Variants in MGST2 observed in about 807,000 individuals in gnomAD.
The protein encoded by MGST2 is glutathione peroxidase MGST2.
MGST2 carries 9 observed loss-of-function variants against 16.6 expected under a neutral mutation model. The ratio of observed to expected loss-of-function variants is 0.54; its 90% CI spans 0.33 to 0.95. The LOEUF is 0.95. Among genes scored for constraint, MGST2 ranks in the 40% least tolerant of loss-of-function variants. The probability of loss-of-function intolerance (pLI) is 0.03; values close to 1 mark genes in which losing one functional copy is unlikely to be tolerated. For synonymous variants in MGST2, 79 were observed against 68.0 expected (o/e 1.16, Z -0.79); for missense variants, 159 against 175.1 (o/e 0.91, Z 0.52).
chr4:139,698,519 G>C (rs535041202), intron 3 of MGST2: 2 of 1,140,026 alleles, frequency 1.8e-6, no homozygotes, highest in Non-Finnish European at 2.7e-6. Flanking sequence ...CTTTACCACC[G>C]GTCGATTTGC....
intron 5 of MGST2, among the ~76,000 whole-genome samples, chr4:139,713,776 C>T (rs1727831905): frequency 6.6e-6 from 1 of 152,054 alleles, no homozygotes; most frequent in South Asian, 2.1e-4. Context: ...TTAAGACAGT[C>T]CATGGAGAAG....
chr4:139,720,222 G>C (rs766114903), intron 5 of MGST2: 1 of 1,612,728 alleles, frequency 6.2e-7, no homozygotes, highest in South Asian at 1.1e-5. Context: ...TTCTGGGAGG[G>C]TCCTATTCCC....
intron 5 of MGST2, among the ~76,000 whole-genome samples, chr4:139,732,688 A>G (rs1728776524): frequency 6.6e-6 from 1 of 151,884 alleles, no homozygotes; most frequent in Non-Finnish European, 1.5e-5. Flanking sequence ...ATTTGGTTAC[A>G]TGAGTAAGCA....
chr4:139,701,940 T>C (rs1436110162), intron 3 of MGST2, among the ~76,000 whole-genome samples: 1 of 150,552 alleles, frequency 6.6e-6, no homozygotes, highest in East Asian at 2.0e-4. Flanking sequence ...CATTCCTGCC[T>C]GGGTGACAGA....
intron 5 of MGST2, among the ~76,000 whole-genome samples, chr4:139,710,556 C>T (rs948882556): frequency 3.9e-5 from 6 of 152,240 alleles, no homozygotes; most frequent in South Asian, 2.1e-4. Flanking sequence ...CCCTCCACCC[C>T]GGAATCAGTT....
chr4:139,751,405 TAATACAC>T, the MGST2 span, among the ~76,000 whole-genome samples: 2 of 152,204 alleles, frequency 1.3e-5, no homozygotes, highest in African/African-American at 4.8e-5. Flanking sequence ...GTATGTTTCA[TAATACAC>T]GTTATACACA....
the MGST2 span, among the ~76,000 whole-genome samples, chr4:139,753,570 T>C: frequency 8.5e-5 from 13 of 152,076 alleles, no homozygotes; most frequent in Non-Finnish European, 1.8e-4. Flanking sequence ...ACCATGAAAA[T>C]AAAATATAAT....
At chr4:139,690,553 A>G (rs1339525638) in intron 2 of MGST2, among the ~76,000 whole-genome samples, 3 of 152,204 alleles carry the variant, frequency 2.0e-5, no homozygotes, top group Non-Finnish European at 4.4e-5. Flanking sequence ...GGTTTAACAC[A>G]GTGGAAGTTC....
At position 139,735,928 on chromosome 4, in the gene MGST2, C is replaced by T. The variant is rs1728924255; in HGVS notation, c.*49-4284C>T. Among the ~76,000 whole-genome samples, 1 of 152,104 alleles carries T rather than the reference C, an allele frequency of 6.6e-6. No individual in the cohort carries two copies. The highest frequency in any genetic ancestry group is 1.5e-5 in the Non-Finnish European group (1 of 68,002). ...CGGCCCGCGCGCGCCGCTCGGGAGC[C>T]CGCGAGGCTGCGGTGTGCTCCAGCG... On this transcript the variant is annotated intron_variant, in intron 5 of 5. Transcript: ENST00000616265. The surrounding 1 kb of genome is among the most constrained non-coding windows in gnomAD (Gnocchi z 5.8).
At chr4:139,684,102 T>A (rs1731420869) in intron 2 of MGST2, among the ~76,000 whole-genome samples, 1 of 152,058 alleles carries the variant, frequency 6.6e-6, no homozygotes, top group South Asian at 2.1e-4. Flanking sequence ...TTTTTTGTAT[T>A]TTTAATGGAG....
intron 2 of MGST2, among the ~76,000 whole-genome samples, chr4:139,694,599 C>T (rs958890622): frequency 6.6e-6 from 1 of 152,108 alleles, no homozygotes; most frequent in Non-Finnish European, 1.5e-5. Flanking sequence ...TTTCCATCCA[C>T]GTCTTCTATG....
At chr4:139,694,234 G>C (rs937584034) in intron 2 of MGST2, among the ~76,000 whole-genome samples, 2 of 151,386 alleles carry the variant, frequency 1.3e-5, no homozygotes, top group African/African-American at 4.9e-5. Flanking sequence ...GGTGACCCAG[G>C]CTAAAAGACC....
intron 2 of MGST2, among the ~76,000 whole-genome samples, chr4:139,683,677 A>T (rs1731386602): frequency 6.6e-6 from 1 of 152,106 alleles, no homozygotes; most frequent in Non-Finnish European, 1.5e-5. Flanking sequence ...ATGAGACTGG[A>T]TAAAATCACT....
At chr4:139,746,049 C>A in the MGST2 span, among the ~76,000 whole-genome samples, 4 of 152,094 alleles carry the variant, frequency 2.6e-5, no homozygotes, top group Non-Finnish European at 5.9e-5. Context: ...TATGGTGGCC[C>A]AATTAAAGAC....
At chr4:139,672,577 CTTTT>C (rs34915408) in intron 1 of MGST2, among the ~76,000 whole-genome samples, 1 of 142,558 alleles carries the variant, frequency 7.0e-6, no homozygotes, top group Non-Finnish European at 1.5e-5. Flanking sequence ...CATTTACACA[CTTTT>C]TTTTTTTTTT....
chr4:139,746,431 T>A, the MGST2 span, among the ~76,000 whole-genome samples: 3 of 147,512 alleles, frequency 2.0e-5, no homozygotes, highest in Non-Finnish European at 3.0e-5. Context: ...AAATGAAAAA[T>A]CTTCCCTTTA....
At position 139,726,071 on chromosome 4, in the gene MGST2, A is replaced by G. The variant is rs138115111; in HGVS notation, c.*49-14141A>G. 5.5e-3 allele frequency among the ~76,000 whole-genome samples: 837 copies of G among 152,310 alleles called. 4 individuals are homozygous for G. The highest frequency in any genetic ancestry group is 0.017 in the Middle Eastern group (5 of 294). On this transcript the variant is annotated intron_variant, in intron 5 of 5. Transcript: ENST00000616265. Reference sequence around the variant, plus strand: ...CATCAAGAAACAGAACGCTGCCAGGAGCCCCTCGTGCCCCTTCCAGTCATC... The same window carrying G: ...CATCAAGAAACAGAACGCTGCCAGGGGCCCCTCGTGCCCCTTCCAGTCATC...
At chr4:139,692,721 C>G (rs1027840790) in intron 2 of MGST2, among the ~76,000 whole-genome samples, 1 of 152,120 alleles carries the variant, frequency 6.6e-6, no homozygotes, top group African/African-American at 2.4e-5. Flanking sequence ...CAAAACATCC[C>G]CTCTATTTTT....
At chr4:139,730,602 T>G in intron 5 of MGST2, 1 of 1,611,760 alleles carries the variant, frequency 6.2e-7, no homozygotes, top group South Asian at 1.1e-5. Flanking sequence ...CCATGCCACC[T>G]GAGCCTGGGG....
Sources: allele counts gnomAD v4.1 joint callset (sites outside exome capture counted in the v4.1 genomes callset), GRCh38; gene constraint gnomAD v4.1.1; non-coding constraint Gnocchi (gnomAD v3.1); transcripts MANE v1.5; gene names NCBI Gene and HGNC (gene_info 2026-07-23, HGNC 2026-07-21).